Variants in MRPL48 observed in about 807,000 individuals in gnomAD.
The protein encoded by MRPL48 is large ribosomal subunit protein mL48.
Under a neutral mutation model 32.9 loss-of-function variants are expected in MRPL48, and 16 were observed. That is an observed-to-expected ratio of 0.49 (90% confidence interval 0.33 to 0.74). MRPL48 has a LOEUF of 0.74. Ranked by LOEUF, MRPL48 falls within the 30% of genes least tolerant of loss-of-function variation. MRPL48 has a pLI of 0.02. For synonymous variants in MRPL48, 94 were observed against 89.2 expected (o/e 1.05, Z -0.31); for missense variants, 206 against 245.3 (o/e 0.84, Z 1.07).
At chr11:73,811,187 T>C (rs114090530) in intron 3 of MRPL48, among the ~76,000 whole-genome samples, 3,385 of 152,156 alleles carry the variant, frequency 0.022, 132 homozygotes, top group African/African-American at 0.078. Context: ...TCAACTGTGC[T>C]ACTGAGAGAC....
At chr11:73,798,371 CAT>C (rs950775221) in intron 1 of MRPL48, among the ~76,000 whole-genome samples, 5 of 152,068 alleles carry the variant, frequency 3.3e-5, no homozygotes, top group African/African-American at 1.2e-4. Flanking sequence ...TGGGATTACA[CAT>C]GTGAGCCACC....
intron 3 of MRPL48, among the ~76,000 whole-genome samples, chr11:73,821,598 C>A (rs1947783068): frequency 6.6e-6 from 1 of 152,208 alleles, no homozygotes; most frequent in Non-Finnish European, 1.5e-5. Context: ...AAGCCACTCA[C>A]TCTAAGAACC....
chr11:73,815,002 A>ATAAC (rs1427310233), intron 3 of MRPL48, among the ~76,000 whole-genome samples: 2 of 151,246 alleles, frequency 1.3e-5, no homozygotes, highest in African/African-American at 4.9e-5. Context: ...TCATAAATAA[A>ATAAC]TAAATAAATA....
chr11:73,797,908 T>A (rs1366834025), intron 1 of MRPL48, among the ~76,000 whole-genome samples: 1 of 152,150 alleles, frequency 6.6e-6, no homozygotes, highest in Non-Finnish European at 1.5e-5. Context: ...TTCCAAGGAC[T>A]GTACAGCTAG....
intron 3 of MRPL48, among the ~76,000 whole-genome samples, chr11:73,819,805 G>A (rs1013572921): frequency 3.3e-5 from 5 of 152,024 alleles, no homozygotes; most frequent in Non-Finnish European, 5.9e-5. Flanking sequence ...GATTGAGATG[G>A]GAGGATCACT....
At chr11:73,834,290 T>A (rs1472661266) in intron 4 of MRPL48, among the ~76,000 whole-genome samples, 5 of 152,192 alleles carry the variant, frequency 3.3e-5, no homozygotes, top group Non-Finnish European at 7.3e-5. Context: ...ACCAGGGGCT[T>A]AAGTAAAATA....
At chr11:73,833,419 T>C (rs189232378) in intron 4 of MRPL48, among the ~76,000 whole-genome samples, 37 of 152,262 alleles carry the variant, frequency 2.4e-4, no homozygotes, top group African/African-American at 8.7e-4. Flanking sequence ...TTGATATGAA[T>C]AATAGTAATG....
At chr11:73,830,839 CTCTT>C (rs532178771) in intron 4 of MRPL48, among the ~76,000 whole-genome samples, 175 of 151,684 alleles carry the variant, frequency 1.2e-3, no homozygotes, top group East Asian at 1.9e-3. Context: ...CTGTTTTTAT[CTCTT>C]TCTTTCTTTC....
chr11:73,812,742 T>TA (rs1379687569), intron 3 of MRPL48, among the ~76,000 whole-genome samples: 11 of 103,074 alleles, frequency 1.1e-4, no homozygotes, highest in African/African-American at 2.3e-4. Context: ...ATATATATAT[T>TA]TATTTATTTA....
At chr11:73,841,529 G>A (rs960984667) in intron 4 of MRPL48, among the ~76,000 whole-genome samples, 5 of 152,058 alleles carry the variant, frequency 3.3e-5, no homozygotes, top group South Asian at 2.1e-4. Context: ...GAAAGAAGAC[G>A]GACACAAAAG....
chr11:73,831,940 C>CAAAAAA (rs4019304), intron 4 of MRPL48, among the ~76,000 whole-genome samples: 1 of 67,088 alleles, frequency 1.5e-5, no homozygotes, highest in Admixed American at 2.2e-4. Context: ...AACTCTGTCT[C>CAAAAAA]AAAAAAAAAA....
intron 4 of MRPL48, among the ~76,000 whole-genome samples, chr11:73,826,838 G>T (rs527969532): frequency 6.9e-5 from 10 of 145,260 alleles, no homozygotes; most frequent in African/African-American, 2.3e-4. Context: ...GGGCAATGGT[G>T]CGATCTCGGC....
Position 73,852,607 on chromosome 11 carries a change from C to T in MRPL48, c.372-7300C>T, listed in dbSNP as rs188426616. On this transcript the variant is annotated intron_variant, in intron 5 of 7. Coordinates refer to ENST00000310614, the MANE Select transcript of MRPL48 (RefSeq NM_016055.6). ...AAAGACAGGCAATAACAAATGTTGA[C>T]GAGGATGTGGAGAAAAAGGAACCTT... Among the ~76,000 whole-genome samples, 188 of 151,920 alleles carry T rather than the reference C, an allele frequency of 1.2e-3. 1 individual carries two copies. Among genetic ancestry groups the T allele is most frequent in the African/African-American group, 4.1e-3 (168 of 41,462 alleles).
chr11:73,823,856 AC>A (rs796866565), intron 3 of MRPL48, among the ~76,000 whole-genome samples: 1 of 139,468 alleles, frequency 7.2e-6, no homozygotes, highest in East Asian at 2.1e-4. Context: ...ATATATAAAG[AC>A]CCCCCTTTTT....
intron 1 of MRPL48, among the ~76,000 whole-genome samples, chr11:73,800,810 CTT>C (rs1223951183): frequency 1.7e-4 from 23 of 132,846 alleles, no homozygotes; most frequent in African/African-American, 3.9e-4. Flanking sequence ...TTTTCTTTTT[CTT>C]TTTTTTTTTT....
chr11:73,861,479 C>T (rs1447558588), intron 6 of MRPL48, among the ~76,000 whole-genome samples: 1 of 152,208 alleles, frequency 6.6e-6, no homozygotes, highest in Admixed American at 6.5e-5. Context: ...AAGCGGGTCT[C>T]CTGCCTCAGC....
At chr11:73,836,298 G>A (rs933318669) in intron 4 of MRPL48, among the ~76,000 whole-genome samples, 3 of 151,894 alleles carry the variant, frequency 2.0e-5, no homozygotes, top group Non-Finnish European at 4.4e-5. Flanking sequence ...GGGTTCAAGC[G>A]ATTCTCCCTG....
intron 1 of MRPL48, among the ~76,000 whole-genome samples, chr11:73,788,879 T>C (rs1000648532): frequency 1.3e-5 from 2 of 152,232 alleles, no homozygotes; most frequent in African/African-American, 4.8e-5. Flanking sequence ...CCTTAACAGA[T>C]TTAACAGATT....
At chr11:73,827,886 C>T (rs1947926833) in intron 4 of MRPL48, among the ~76,000 whole-genome samples, 1 of 152,140 alleles carries the variant, frequency 6.6e-6, no homozygotes, top group Admixed American at 6.6e-5. Flanking sequence ...AGTGGGAAGT[C>T]TACTGAATTA....
Sources: gnomAD v4.1 joint callset for allele counts (sites outside exome capture counted in the v4.1 genomes callset) on GRCh38, gnomAD v4.1.1 for gene constraint, MANE v1.5 for transcripts, NCBI Gene and HGNC (gene_info 2026-07-23, HGNC 2026-07-21) for gene names.